The following RBMS3 variants were observed in gnomAD, a reference collection of about 807,000 sequenced individuals.
RBMS3 encodes the protein RNA-binding motif, single-stranded-interacting protein 3.
A neutral mutation model predicts 66.8 loss-of-function variants in RBMS3; 27 were observed. The observed-to-expected ratio is 0.40, with a 90% CI of 0.30 to 0.56. The LOEUF (loss-of-function observed/expected upper bound fraction) is 0.56, where lower values mean the gene tolerates loss of function less well. Among genes scored for constraint, RBMS3 ranks in the 20% least tolerant of loss-of-function variants. The pLI is 0.40. For missense variants in RBMS3, 513 were observed against 549.5 expected, an observed-to-expected ratio of 0.93 and a Z score of 0.66; for synonymous variants, 188 against 183.0, an observed-to-expected ratio of 1.03 and a Z score of -0.22.
At chr3:29,799,866 G>A (rs1385427115) in intron 6 of RBMS3, among the ~76,000 whole-genome samples, 1 of 152,082 alleles carries the variant, frequency 6.6e-6, no homozygotes, top group Non-Finnish European at 1.5e-5. Context: ...CACATCCTCT[G>A]GCCCATTGGG....
At chr3:29,845,824 T>G (rs1011981308) in intron 6 of RBMS3, among the ~76,000 whole-genome samples, 3 of 152,182 alleles carry the variant, frequency 2.0e-5, no homozygotes, top group Non-Finnish European at 4.4e-5. Context: ...TGGTTAAGAC[T>G]TACATTTTGA....
intron 1 of RBMS3, among the ~76,000 whole-genome samples, chr3:29,306,197 T>A (rs1231060857): frequency 6.6e-6 from 1 of 152,004 alleles, no homozygotes; most frequent in African/African-American, 2.4e-5. Flanking sequence ...GGAAAACTAA[T>A]CTCCCATTGG....
In RBMS3 at chr3:29,328,720, GT is replaced by G. The variant is rs1327276863; in HGVS notation, c.75+46966del. ...GCAAGGCTTCCCTGACCTCCATTGG[GT>G]TAGATCTCTCATAAAGGTGCTCAGA... On this transcript the variant is annotated intron_variant, in intron 1 of 14. Coordinates refer to ENST00000383767, the MANE Select transcript of RBMS3 (RefSeq NM_001003793.3). 2.6e-5 allele frequency among the ~76,000 whole-genome samples: 4 copies of G among 152,156 alleles called. No homozygotes were observed. The South Asian group carries it at 8.3e-4, about 32-fold the overall frequency.
chr3:29,902,498 G>C (rs1165297574), intron 10 of RBMS3, among the ~76,000 whole-genome samples: 1 of 151,572 alleles, frequency 6.6e-6, no homozygotes, highest in Non-Finnish European at 1.5e-5. Flanking sequence ...AAGACAAATT[G>C]CTTACATTGG....
At chr3:29,832,619 G>A (rs897683889) in intron 6 of RBMS3, among the ~76,000 whole-genome samples, 3 of 152,148 alleles carry the variant, frequency 2.0e-5, no homozygotes, top group African/African-American at 7.2e-5. Context: ...GTTAGTAAGT[G>A]TCCAGTTCCC....
intron 6 of RBMS3, among the ~76,000 whole-genome samples, chr3:29,796,135 A>C (rs2057174082): frequency 6.6e-6 from 1 of 152,228 alleles, no homozygotes; most frequent in Non-Finnish European, 1.5e-5. Context: ...CTATGTGTAC[A>C]CCATACTGTA....
At chr3:29,420,810 A>G (rs546680392) in intron 1 of RBMS3, among the ~76,000 whole-genome samples, 1 of 152,190 alleles carries the variant, frequency 6.6e-6, no homozygotes, top group Admixed American at 6.6e-5. Flanking sequence ...GTACTTTAGA[A>G]AAGGCTATTA....
At chr3:29,908,921 A>C (rs1012767801) in intron 10 of RBMS3, among the ~76,000 whole-genome samples, 4 of 152,204 alleles carry the variant, frequency 2.6e-5, no homozygotes, top group African/African-American at 9.6e-5. Context: ...TAATTATATA[A>C]CCTAAAAAAT....
At chr3:29,836,225 A>G (rs1401994645) in intron 6 of RBMS3, among the ~76,000 whole-genome samples, 3 of 152,182 alleles carry the variant, frequency 2.0e-5, no homozygotes, top group African/African-American at 7.2e-5. Flanking sequence ...AAACTCTTTC[A>G]AAAAATTAAA....
chr3:29,314,601 G>A (rs1488508341), intron 1 of RBMS3, among the ~76,000 whole-genome samples: 4 of 151,576 alleles, frequency 2.6e-5, no homozygotes, highest in African/African-American at 9.7e-5. Context: ...CAAGTACCCT[G>A]CATTTCAGCA....
At chr3:29,554,519 G>T (rs797007392) in intron 3 of RBMS3, among the ~76,000 whole-genome samples, 2 of 152,162 alleles carry the variant, frequency 1.3e-5, no homozygotes, top group African/African-American at 4.8e-5. Context: ...ATAAATGGAA[G>T]TAAATAAGTA....
rs1023677333 is a variant in RBMS3 at position 29,811,357 on chromosome 3, G to A, written c.637+48368G>A. On this transcript the variant is annotated intron_variant, in intron 6 of 14. Coordinates refer to ENST00000383767, the MANE Select transcript of RBMS3 (RefSeq NM_001003793.3). ...GAAGCCCACACGGCCTCTGGCAGCTGTCCAGTAAGCAGCCTTCTTAACTGC... is the reference window on the plus strand; with the variant it reads ...GAAGCCCACACGGCCTCTGGCAGCTATCCAGTAAGCAGCCTTCTTAACTGC... Among the ~76,000 whole-genome samples, 5 of 152,280 alleles carry A rather than the reference G, an allele frequency of 3.3e-5. No individual in the cohort carries two copies. In the East Asian group the frequency reaches 5.8e-4, roughly 18 times the overall value.
At chr3:29,669,432 C>CT (rs1297491821) in intron 4 of RBMS3, among the ~76,000 whole-genome samples, 1 of 152,190 alleles carries the variant, frequency 6.6e-6, no homozygotes, top group African/African-American at 2.4e-5. Context: ...AGTCATCTAT[C>CT]TAAGTGCCTT....
chr3:29,684,599 A>G (rs2051633866), intron 4 of RBMS3, among the ~76,000 whole-genome samples: 1 of 152,094 alleles, frequency 6.6e-6, no homozygotes, highest in Admixed American at 6.6e-5. Context: ...TAGTTTTCTG[A>G]TTGTTTGATA....
Position 29,762,982 on chromosome 3 carries a change from C to T in RBMS3, c.630C>T (p.Gly210=). Residue 210 remains glycine (G), a synonymous_variant, in exon 6 of 15, where the codon GGC becomes GGT. Coordinates refer to ENST00000383767, the MANE Select transcript of RBMS3 (RefSeq NM_001003793.3). The part of the protein sequence containing the change: ...FNGKYLKTPP[G]IPAPSEPLLC... ...GAAAATATCTGAAAACACCACCAGG[C>T]ATCCCAGGTAAGAAATTCACTAATA... 6.2e-7 allele frequency: 1 copy of T among 1,601,806 alleles called. No individual in the cohort carries two copies.
At chr3:29,344,550 G>A (rs1397316790) in intron 1 of RBMS3, among the ~76,000 whole-genome samples, 1 of 152,088 alleles carries the variant, frequency 6.6e-6, no homozygotes, top group Admixed American at 6.6e-5. Flanking sequence ...AGACTCTTGT[G>A]TCTATAAATG....
chr3:29,576,381 C>A (rs952792072), intron 3 of RBMS3, among the ~76,000 whole-genome samples: 1 of 152,148 alleles, frequency 6.6e-6, no homozygotes, highest in Non-Finnish European at 1.5e-5. Flanking sequence ...CTGGGATTGA[C>A]CCAGTGTGGT....
chr3:29,512,308 T>C (rs2044444598), intron 3 of RBMS3, among the ~76,000 whole-genome samples: 1 of 152,080 alleles, frequency 6.6e-6, no homozygotes, highest in Admixed American at 6.6e-5. Context: ...AAAAAGGTTT[T>C]AAAAACAGTA....
intron 4 of RBMS3, among the ~76,000 whole-genome samples, chr3:29,630,694 C>T (rs1576398831): frequency 6.6e-6 from 1 of 151,948 alleles, no homozygotes; most frequent in African/African-American, 2.4e-5. Flanking sequence ...CCTTTGAATC[C>T]AAATCCTCAA....
Sources: gnomAD v4.1 joint callset for allele counts (sites outside exome capture counted in the v4.1 genomes callset) on GRCh38, gnomAD v4.1.1 for gene constraint, MANE v1.5 for transcripts, NCBI Gene and HGNC (gene_info 2026-07-23, HGNC 2026-07-21) for gene names.